Variants in NDUFC2 observed in about 807,000 individuals in gnomAD.
NDUFC2 encodes the protein NADH:ubiquinone oxidoreductase subunit C2.
In NDUFC2, 2 loss-of-function variants were observed where a neutral mutation model predicts 10.1. The ratio of observed to expected loss-of-function variants is 0.20; its 90% CI spans 0.08 to 0.62. The LOEUF (loss-of-function observed/expected upper bound fraction) is 0.62. Ranked by LOEUF, NDUFC2 falls within the 20% of genes least tolerant of loss-of-function variation. NDUFC2 has a pLI of 0.87. For missense variants in NDUFC2, 156 were observed against 159.6 expected, an observed-to-expected ratio of 0.98 and a Z score of 0.12; for synonymous variants, 61 against 63.6, an observed-to-expected ratio of 0.96 and a Z score of 0.20.
intron 1 of NDUFC2, among the ~76,000 whole-genome samples, chr11:78,073,636 T>C (rs1451197055): frequency 7.9e-5 from 12 of 151,930 alleles, no homozygotes; most frequent in African/African-American, 2.9e-4. Context: ...ACCCTGTCTC[T>C]ACTAAAAATA....
chr11:78,076,265 C>T (rs967435454), intron 1 of NDUFC2, among the ~76,000 whole-genome samples: 6 of 152,118 alleles, frequency 3.9e-5, no homozygotes, highest in South Asian at 2.1e-4. Flanking sequence ...CCTCTGCCTC[C>T]CGAGTAGCTG....
intron 1 of NDUFC2, among the ~76,000 whole-genome samples, chr11:78,075,180 C>G (rs1318738511): frequency 6.6e-6 from 1 of 152,124 alleles, no homozygotes; most frequent in Non-Finnish European, 1.5e-5. Context: ...ACTTAGCATA[C>G]CAACTAACTC....
chr11:78,072,685 AAG>A (rs1373280978), intron 2 of NDUFC2, among the ~76,000 whole-genome samples: 2 of 152,228 alleles, frequency 1.3e-5, no homozygotes, highest in Non-Finnish European at 2.9e-5. Flanking sequence ...TGGGAAGTGA[AAG>A]AGAAAGACTT....
chr11:78,075,755 A>T (rs958358064), intron 1 of NDUFC2, among the ~76,000 whole-genome samples: 5 of 152,102 alleles, frequency 3.3e-5, no homozygotes, highest in Non-Finnish European at 5.9e-5. Context: ...CAGATAGCTT[A>T]AAAAAATTTC....
intron 1 of NDUFC2, among the ~76,000 whole-genome samples, chr11:78,078,923 G>C (rs12289027): frequency 6.6e-6 from 1 of 150,540 alleles, no homozygotes; most frequent in Admixed American, 6.6e-5. Context: ...ACGGGTTTTC[G>C]CCCTATTGCC....
chr11:78,074,990 C>T (rs1461823151), intron 1 of NDUFC2, among the ~76,000 whole-genome samples: 1 of 152,214 alleles, frequency 6.6e-6, no homozygotes, highest in African/African-American at 2.4e-5. Flanking sequence ...CCCCATTTTC[C>T]TAACCTCTCT....
intron 1 of NDUFC2, among the ~76,000 whole-genome samples, chr11:78,075,266 TA>T (rs1001194903): frequency 3.3e-4 from 51 of 152,284 alleles, no homozygotes; most frequent in East Asian, 7.7e-4. Context: ...GAAAAACTTA[TA>T]AAAAAATTCT....
Position 78,079,652 on chromosome 11 carries a change from G to C in NDUFC2, c.93C>G (p.Leu31=), listed in dbSNP as rs774129991. ...AGCAGTAGCCCAAGAAGCCGATGTA[G>C]AGGAGCCGCGGGTCGGTCAGCTTGG... is the stretch of plus-strand genomic sequence containing the variant. ...PPPKLTDPRL[L]YIGFLGYCSG... The change falls in exon 1 of 3, where the codon CTC becomes CTG. Residue 31 remains leucine, a synonymous_variant. Coordinates refer to ENST00000281031, the MANE Select transcript of NDUFC2 (RefSeq NM_004549.6). 1.4e-5 allele frequency: 23 copies of C among 1,600,608 alleles called. No individual in the cohort carries two copies. The highest frequency in any genetic ancestry group is 2.7e-5 in the African/African-American group (2 of 74,692).
intron 2 of NDUFC2, among the ~76,000 whole-genome samples, chr11:78,070,786 G>C (rs1042424281): frequency 6.6e-6 from 1 of 152,188 alleles, no homozygotes; most frequent in Non-Finnish European, 1.5e-5. Context: ...CAAGCTCTCC[G>C]GGCTCCCACT....
At chr11:78,074,470 G>A (rs748686466) in intron 1 of NDUFC2, among the ~76,000 whole-genome samples, 64 of 151,734 alleles carry the variant, frequency 4.2e-4, no homozygotes, top group Non-Finnish European at 6.8e-4. Flanking sequence ...AAAATTAGCC[G>A]GGCGTGGTAG....
At chr11:78,079,129 C>CAAAAA (rs1859395344) in intron 1 of NDUFC2, among the ~76,000 whole-genome samples, 1 of 95,298 alleles carries the variant, frequency 1.0e-5, no homozygotes, top group African/African-American at 4.3e-5. Context: ...AAAAAAAAAC[C>CAAAAA]AAGCTCTGCT....
intron 1 of NDUFC2, among the ~76,000 whole-genome samples, chr11:78,073,343 T>C (rs1000650650): frequency 1.3e-5 from 2 of 150,848 alleles, no homozygotes; most frequent in Non-Finnish European, 2.9e-5. Flanking sequence ...AATACAAAAT[T>C]TGGCTGGGGG....
intron 1 of NDUFC2, 107 bp from the exon 2 acceptor site, chr11:78,073,248 T>C (rs1859093898): frequency 1.3e-6 from 2 of 1,546,032 alleles, no homozygotes; most frequent in South Asian, 1.2e-5. Context: ...TCCCAGCACT[T>C]TGGGAGGCCA....
intron 1 of NDUFC2, among the ~76,000 whole-genome samples, chr11:78,078,728 CTTTT>C (rs71046953): frequency 1.6e-5 from 1 of 61,640 alleles, no homozygotes; most frequent in East Asian, 4.6e-4. Context: ...TCAGGATCCG[CTTTT>C]TTTTTTTTTT....
chr11:78,072,858 C>T, intron 2 of NDUFC2, 140 bp downstream of exon 2: 1 of 1,210,358 alleles, frequency 8.3e-7, no homozygotes, highest in Non-Finnish European at 1.1e-6. Flanking sequence ...TATATTAATT[C>T]AAGAGAATTT....
intron 1 of NDUFC2, among the ~76,000 whole-genome samples, chr11:78,075,395 G>A (rs1171738109): frequency 6.6e-6 from 1 of 152,126 alleles, no homozygotes; most frequent in African/African-American, 2.4e-5. Context: ...AATGTTTGGG[G>A]TGATGGATGT....
intron 2 of NDUFC2, among the ~76,000 whole-genome samples, chr11:78,072,478 G>A (rs565064192): frequency 3.3e-5 from 5 of 152,058 alleles, no homozygotes; most frequent in East Asian, 1.9e-4. Context: ...GCGACCAGCC[G>A]GATGACTATT....
At chr11:78,074,499 G>T (rs1324220110) in intron 1 of NDUFC2, among the ~76,000 whole-genome samples, 1 of 151,932 alleles carries the variant, frequency 6.6e-6, no homozygotes, top group Non-Finnish European at 1.5e-5. Flanking sequence ...TGTAGTCCCA[G>T]CTACTCAGGA....
Position 78,079,602 on chromosome 11 carries a change from C to T in NDUFC2, c.143G>A (p.Arg48Gln), listed in dbSNP as rs11544628. 1 of 1,557,246 alleles carries T rather than the reference C, an allele frequency of 6.4e-7. No homozygotes were observed. The change falls in exon 1 of 3, where the codon CGG becomes CAG. Residue 48 changes from arginine to glutamine, a missense_variant. By Grantham distance (43) the Arg-to-Gln change is conservative (BLOSUM62 1). Transcript: ENST00000281031. ...YCSGLIDNLI[R>Q]RRPIATAGLH... Reference sequence around the variant, plus strand: ...ACCAGCCGTCGCGATCGGCCTCCGCCGGATTAGGTTATCAATCAGGCCGGA... The same window carrying T: ...ACCAGCCGTCGCGATCGGCCTCCGCTGGATTAGGTTATCAATCAGGCCGGA...
Sources: gnomAD v4.1 joint callset for allele counts (sites outside exome capture counted in the v4.1 genomes callset) on GRCh38, gnomAD v4.1.1 for gene constraint, MANE v1.5 for transcripts, NCBI Gene and HGNC (gene_info 2026-07-23, HGNC 2026-07-21) for gene names.